The following KCNC2 variants were observed in gnomAD, a reference collection of about 807,000 sequenced individuals.
KCNC2 encodes the protein voltage-gated potassium channel KCNC2.
A neutral mutation model predicts 44.5 loss-of-function variants in KCNC2; 21 were observed. The ratio of observed to expected loss-of-function variants is 0.47; its 90% CI spans 0.33 to 0.68. KCNC2 has a LOEUF of 0.68. Ranked by LOEUF, KCNC2 falls within the 30% of genes least tolerant of loss-of-function variation. KCNC2 has a pLI of 0.01. For synonymous variants in KCNC2, 391 were observed against 339.1 expected, an observed-to-expected ratio of 1.15 and a Z score of -1.68; for missense variants, 589 against 826.2, an observed-to-expected ratio of 0.71 and a Z score of 3.52.
intron 2 of KCNC2, among the ~76,000 whole-genome samples, chr12:75,105,567 GGGCTT>G (rs1886717610): frequency 6.6e-6 from 1 of 152,158 alleles, no homozygotes; most frequent in South Asian, 2.1e-4. Flanking sequence ...GAAATGATAT[GGGCTT>G]GGACTTGGGA....
chr12:75,096,541 G>T (rs933860192), intron 2 of KCNC2, among the ~76,000 whole-genome samples: 1 of 151,906 alleles, frequency 6.6e-6, no homozygotes, highest in Non-Finnish European at 1.5e-5. Flanking sequence ...TGGACAACTT[G>T]TTATTCAAAG....
intron 2 of KCNC2, among the ~76,000 whole-genome samples, chr12:75,096,144 C>T (rs972861175): frequency 6.6e-6 from 1 of 151,978 alleles, no homozygotes; most frequent in Non-Finnish European, 1.5e-5. Flanking sequence ...TTGGCACTTA[C>T]ATTATGCCAC....
chr12:75,139,393 T>C (rs1889479307), intron 2 of KCNC2, among the ~76,000 whole-genome samples: 1 of 152,220 alleles, frequency 6.6e-6, no homozygotes, highest in Non-Finnish European at 1.5e-5. Context: ...CCGATAAAAC[T>C]GTGAGCGATG....
intron 2 of KCNC2, among the ~76,000 whole-genome samples, chr12:75,162,623 T>A (rs1891192346): frequency 6.6e-6 from 1 of 151,726 alleles, no homozygotes; most frequent in South Asian, 2.1e-4. Flanking sequence ...AAATTTAAAA[T>A]CAGATAACCA....
At chr12:75,186,920 GA>G (rs1892996149) in intron 2 of KCNC2, among the ~76,000 whole-genome samples, 1 of 152,074 alleles carries the variant, frequency 6.6e-6, no homozygotes, top group South Asian at 2.1e-4. Flanking sequence ...GTTTTACATG[GA>G]AAAGTAAATC....
At chr12:75,136,090 C>A (rs1350115102) in intron 2 of KCNC2, among the ~76,000 whole-genome samples, 3 of 151,984 alleles carry the variant, frequency 2.0e-5, no homozygotes, top group Admixed American at 6.6e-5. Context: ...CTATAACCTC[C>A]TCTACAGCCT....
At chr12:75,081,479 A>G (rs1884506301) in intron 2 of KCNC2, among the ~76,000 whole-genome samples, 1 of 151,094 alleles carries the variant, frequency 6.6e-6, no homozygotes, top group Admixed American at 6.6e-5. Context: ...ATAAAGTATA[A>G]TAAAAGATCT....
intron 2 of KCNC2, among the ~76,000 whole-genome samples, chr12:75,083,880 T>C (rs973070287): frequency 6.6e-6 from 1 of 151,976 alleles, no homozygotes; most frequent in African/African-American, 2.4e-5. Flanking sequence ...CTCATAAATA[T>C]CAAGATAAGT....
intron 2 of KCNC2, among the ~76,000 whole-genome samples, chr12:75,135,946 T>C (rs898528120): frequency 6.6e-6 from 1 of 152,090 alleles, no homozygotes; most frequent in Non-Finnish European, 1.5e-5. Flanking sequence ...CTGATAATTC[T>C]GTGTTATGCA....
chr12:75,162,723 T>G (rs1489754130), intron 2 of KCNC2, among the ~76,000 whole-genome samples: 1 of 151,738 alleles, frequency 6.6e-6, no homozygotes, highest in Non-Finnish European at 1.5e-5. Context: ...CTACTCATCC[T>G]CAAAAAAACC....
intron 2 of KCNC2, among the ~76,000 whole-genome samples, chr12:75,173,260 A>G (rs929941918): frequency 6.6e-6 from 1 of 151,926 alleles, no homozygotes; most frequent in African/African-American, 2.4e-5. Flanking sequence ...CAAGTCAATT[A>G]TAGTTCTAAA....
intron 2 of KCNC2, among the ~76,000 whole-genome samples, chr12:75,056,040 A>T (rs1471028093): frequency 2.0e-5 from 3 of 152,064 alleles, no homozygotes; most frequent in South Asian, 2.1e-4. Flanking sequence ...CTAATATTGC[A>T]GCAATTTTCA....
In KCNC2 at chr12:75,171,328, A is replaced by C. The variant is rs577000334; in HGVS notation, c.687+35969T>G. Among the ~76,000 whole-genome samples, 3 of 151,898 alleles carry C rather than the reference A, an allele frequency of 2.0e-5. No individual in the cohort carries two copies. The South Asian group carries it at 6.2e-4, about 31-fold the overall frequency. ...ATGCTGAAGGGAAAGAGATTATATC[A>C]GCTGAGTACAGTAGGACTGGGAAGA... On this transcript the variant is annotated intron_variant, in intron 2 of 4. Coordinates refer to ENST00000549446, the MANE Select transcript of KCNC2 (RefSeq NM_139137.4).
At chr12:75,128,318 T>C (rs111717847) in intron 2 of KCNC2, among the ~76,000 whole-genome samples, 1 of 152,176 alleles carries the variant, frequency 6.6e-6, no homozygotes, top group Non-Finnish European at 1.5e-5. Context: ...CATTAGCATA[T>C]GTGGACCTCC....
chr12:75,064,025 T>C (rs1882587186), intron 2 of KCNC2, among the ~76,000 whole-genome samples: 1 of 152,122 alleles, frequency 6.6e-6, no homozygotes, highest in Admixed American at 6.6e-5. Flanking sequence ...GTTACAAAAA[T>C]GATTTCTTAG....
intron 2 of KCNC2, among the ~76,000 whole-genome samples, 193 bp from the exon 3 acceptor site, chr12:75,051,510 A>G (rs1371275469): frequency 1.3e-5 from 2 of 152,168 alleles, no homozygotes; most frequent in Non-Finnish European, 2.9e-5. Flanking sequence ...AATGTATTTC[A>G]GGTTCTGTTT....
intron 2 of KCNC2, among the ~76,000 whole-genome samples, chr12:75,205,896 GAA>G (rs34368348): frequency 5.1e-5 from 5 of 97,500 alleles, no homozygotes; most frequent in Non-Finnish European, 1.1e-4. Context: ...GGCATGGCCT[GAA>G]AAAAAAAAAA....
At chr12:75,058,757 C>T (rs552373908) in intron 2 of KCNC2, among the ~76,000 whole-genome samples, 16 of 152,056 alleles carry the variant, frequency 1.1e-4, no homozygotes, top group Admixed American at 3.3e-4. Context: ...TCTTGCTGTC[C>T]TTATTCTCCT....
At chr12:75,148,557 G>A (rs1303892133) in intron 2 of KCNC2, among the ~76,000 whole-genome samples, 4 of 151,950 alleles carry the variant, frequency 2.6e-5, no homozygotes, top group Non-Finnish European at 2.9e-5. Context: ...GGCTAGCTTG[G>A]TGACTATGAT....
Sources: allele counts gnomAD v4.1 joint callset (sites outside exome capture counted in the v4.1 genomes callset), GRCh38; gene constraint gnomAD v4.1.1; transcripts MANE v1.5; gene names NCBI Gene and HGNC (gene_info 2026-07-23, HGNC 2026-07-21).